The following ACVR2B variants were observed in gnomAD, a reference collection of about 807,000 sequenced individuals.
ACVR2B encodes activin A receptor type 2B.
In ACVR2B, 18 loss-of-function variants were observed where a neutral mutation model predicts 65.1. The observed-to-expected ratio is 0.28, with a 90% CI of 0.19 to 0.41. The LOEUF (loss-of-function observed/expected upper bound fraction) is 0.41, where lower values mean the gene tolerates loss of function less well. Among genes scored for constraint, ACVR2B ranks in the 10% least tolerant of loss-of-function variants. ACVR2B has a pLI of 1.00. For synonymous variants in ACVR2B, 298 were observed against 277.7 expected (o/e 1.07, Z -0.73); for missense variants, 482 against 682.7 (o/e 0.71, Z 3.28).
At chr3:38,472,053 G>T (rs1291746091) in intron 1 of ACVR2B, among the ~76,000 whole-genome samples, 1 of 152,120 alleles carries the variant, frequency 6.6e-6, no homozygotes, top group Non-Finnish European at 1.5e-5. Flanking sequence ...CTCCCCTATT[G>T]TACATGCCGC....
chr3:38,464,796 C>T (rs567724896), intron 1 of ACVR2B, among the ~76,000 whole-genome samples: 1 of 152,276 alleles, frequency 6.6e-6, no homozygotes, highest in African/African-American at 2.4e-5. Context: ...GTGGTGCACA[C>T]CTGTAATCCC....
At position 38,477,369 on chromosome 3, in the gene ACVR2B, C is replaced by T. The variant is rs750896020; in HGVS notation, c.135C>T (p.Gly45=). ...AGCTGGAGCGCACCAACCAGAGCGG[C>T]CTGGAGCGCTGCGAAGGCGAGCAGG... is the stretch of plus-strand genomic sequence containing the variant. The part of the protein sequence containing the change: ...NWELERTNQS[G]LERCEGEQDK... The change falls in exon 2 of 11, where the codon GGC becomes GGT. Residue 45 remains glycine, a synonymous_variant. Transcript: ENST00000352511. This position sits in a 1 kb window ranked among gnomAD's most constrained non-coding sequence, Gnocchi z 6.7. 2.3e-5 allele frequency: 37 copies of T among 1,614,044 alleles called. No homozygotes were observed. Among genetic ancestry groups the T allele is most frequent in the Non-Finnish European group, 4.2e-6 (5 of 1,180,020 alleles).
At position 38,485,307 on chromosome 3, in the gene ACVR2B, G is replaced by A. The variant is rs912390660; in HGVS notation, c.*1975G>A. ...ACCTGAATGGGGTGATTTTACTTGG[G>A]ATTTAACTTCTTCAGCAAATTAACA... On this transcript the variant is annotated 3_prime_UTR_variant, in exon 11 of 11. Transcript: ENST00000352511. 4 of 152,212 alleles carry A rather than the reference G, an allele frequency of 2.6e-5. No individual in the cohort carries two copies. Among genetic ancestry groups the A allele is most frequent in the African/African-American group, 7.2e-5 (3 of 41,436 alleles). 9.4% of individuals were successfully genotyped at this position (152,212 alleles called of 1,614,324 possible).
intron 1 of ACVR2B, among the ~76,000 whole-genome samples, chr3:38,458,472 G>C (rs1266767181): frequency 6.6e-6 from 1 of 152,200 alleles, no homozygotes; most frequent in Non-Finnish European, 1.5e-5. Flanking sequence ...CACTGTAGTA[G>C]TCTTAAGGGG....
chr3:38,466,928 C>T (rs761826419), intron 1 of ACVR2B, among the ~76,000 whole-genome samples: 4 of 152,148 alleles, frequency 2.6e-5, no homozygotes, highest in South Asian at 2.1e-4. Flanking sequence ...AATAAATATT[C>T]GGGCATTTAT....
At chr3:38,472,102 C>T (rs1018149904) in intron 1 of ACVR2B, among the ~76,000 whole-genome samples, 1 of 152,180 alleles carries the variant, frequency 6.6e-6, no homozygotes, top group Non-Finnish European at 1.5e-5. Context: ...GTGTCAGTGT[C>T]TTTATCTGTT....
In ACVR2B at chr3:38,477,537, G is replaced by A. The variant is rs369529831; in HGVS notation, c.260+43G>A. 9.3e-5 allele frequency: 148 copies of A among 1,593,442 alleles called. No individual in the cohort carries two copies. Among genetic ancestry groups the A allele is most frequent in the Non-Finnish European group, 1.2e-4 (143 of 1,168,920 alleles). ...CTCCTTTCCTCTTGGACCCACCTGC[G>A]CTTATACTGCCCACTGGGCCATTTG... On this transcript the variant is annotated intron_variant, in intron 2 of 10. Coordinates refer to ENST00000352511, the MANE Select transcript of ACVR2B (RefSeq NM_001106.4). This position sits in a 1 kb window ranked among gnomAD's most constrained non-coding sequence, Gnocchi z 6.7.
intron 1 of ACVR2B, chr3:38,454,760 TGCAGCAGCAGCA>T (rs145420050): frequency 5.7e-6 from 1 of 174,200 alleles, no homozygotes; most frequent in Admixed American, 6.3e-5. Context: ...GGATTGTAGG[TGCAGCAGCAGCA>T]GCAGCATGCG....
intron 1 of ACVR2B, chr3:38,476,944 A>T: frequency 2.5e-6 from 1 of 406,614 alleles, no homozygotes; most frequent in Non-Finnish European, 4.6e-6. Context: ...CAGGAGCCTC[A>T]GGTGTTGGTG....
intron 3 of ACVR2B, 32 bp from the exon 4 acceptor site, chr3:38,478,109 C>G (rs1709944497): frequency 6.2e-7 from 1 of 1,610,888 alleles, no homozygotes; most frequent in African/African-American, 1.3e-5. Context: ...GGTGGGCAGA[C>G]TGTTTGACAC....
At chr3:38,454,509 G>A in intron 1 of ACVR2B, 135 bp downstream of exon 1, 1 of 824,064 alleles carries the variant, frequency 1.2e-6, no homozygotes. Flanking sequence ...TCACCTCCGG[G>A]GGCGTGGGCT....
chr3:38,477,741 C>T lies in ACVR2B; in HGVS notation c.261-120C>T. 3.5e-6 allele frequency: 4 copies of T among 1,159,088 alleles called. No homozygotes were observed. The highest frequency in any genetic ancestry group is 5.2e-6 in the Non-Finnish European group (4 of 765,780). The allele number at this position is 1,159,088 out of a possible 1,614,324, so 71.8% of individuals were successfully genotyped here. On this transcript the variant is annotated intron_variant, in intron 2 of 10. Transcript: ENST00000352511. The surrounding 1 kb of genome is among the most constrained non-coding windows in gnomAD (Gnocchi z 6.7). ...GTCTCCTGTAGGGGAGGTGAGTTCA[C>T]ACCGTCCCCCTGGTGTTGCCCATGA... is the stretch of plus-strand genomic sequence containing the variant.
At position 38,487,089 on chromosome 3, in the gene ACVR2B, CATT is replaced by C. The variant is rs1575592465; in HGVS notation, c.*3762_*3764del. 1 of 152,474 alleles carries C rather than the reference CATT, an allele frequency of 6.6e-6. No individual in the cohort carries two copies. Among genetic ancestry groups the C allele is most frequent in the South Asian group, 2.1e-4 (1 of 4,828 alleles). 9.4% of individuals were successfully genotyped at this position (152,474 alleles called of 1,614,324 possible). A position where few individuals can be genotyped will look rare whatever the true frequency, so the allele number is the denominator to read the frequency against. On this transcript the variant is annotated 3_prime_UTR_variant, in exon 11 of 11. Transcript: ENST00000352511. ...CCTGGCAGTGAGGGAAGATGGTGAG[CATT>C]ATTAGCCTTTGTTGTCCAGCATGGC...
chr3:38,478,584 T>C (rs1709957428), intron 5 of ACVR2B, 66 bp downstream of exon 5: 1 of 1,609,044 alleles, frequency 6.2e-7, no homozygotes, highest in Non-Finnish European at 8.5e-7. Flanking sequence ...GAGGCTCTCC[T>C]GACCTGGGGC....
intron 1 of ACVR2B, among the ~76,000 whole-genome samples, chr3:38,468,581 A>C (rs1709770342): frequency 1.3e-5 from 2 of 152,138 alleles, no homozygotes; most frequent in Non-Finnish European, 2.9e-5. Context: ...ATCTGACTGT[A>C]CCTTACTAAC....
chr3:38,454,331 GC>G lies in ACVR2B; in HGVS notation c.12del (p.Trp5GlyfsTer69). The G allele has an allele frequency of 1.5e-6, 2 of 1,298,524 alleles. No individual in the cohort carries two copies. The highest frequency in any genetic ancestry group is 2.4e-5 in the South Asian group (1 of 40,836). 80.4% of individuals were successfully genotyped at this position (1,298,524 alleles called of 1,614,324 possible). A position where few individuals can be genotyped will look rare whatever the true frequency, so the allele number is the denominator to read the frequency against. On this transcript the variant is annotated frameshift_variant, in exon 1 of 11. Coordinates refer to ENST00000352511, the MANE Select transcript of ACVR2B (RefSeq NM_001106.4). LOFTEE classifies it high-confidence loss of function. MTA[P>X]WVALALLWGS... Reference sequence around the variant, plus strand: ...GGGCGGCGCCGCGGAACATGACGGCGCCCTGGGTGGCCCTCGCCCTCCTCTG... The same window carrying G: ...GGGCGGCGCCGCGGAACATGACGGCGCCTGGGTGGCCCTCGCCCTCCTCTG...
Position 38,492,581 on chromosome 3 carries a change from T to C in ACVR2B, c.*9249T>C, listed in dbSNP as rs541683055. On this transcript the variant is annotated 3_prime_UTR_variant, in exon 11 of 11. Transcript: ENST00000352511. The stretch of plus-strand genomic sequence containing the variant: ...CCCTTGTAGCTATAAAATAAAAATT[T>C]TGTAGAACAGAAATAGCTTGTACTA... 13 of 152,168 alleles carry C rather than the reference T, an allele frequency of 8.5e-5. No homozygotes were observed. In the East Asian group the frequency reaches 2.5e-3, roughly 29 times the overall value. 9.4% of individuals were successfully genotyped at this position (152,168 alleles called of 1,614,324 possible).
rs1391996818 is a variant in ACVR2B, at chr3:38,488,115, T to G, written c.*4783T>G. 2.0e-5 allele frequency: 3 copies of G among 152,356 alleles called. No individual in the cohort carries two copies. The highest frequency in any genetic ancestry group is 3.9e-4 in the East Asian group (2 of 5,186). 9.4% of individuals were successfully genotyped at this position (152,356 alleles called of 1,614,324 possible). A position where few individuals can be genotyped will look rare whatever the true frequency, so the allele number is the denominator to read the frequency against. ...TGAATTCTTTTAGTTAATGGCTGTT[T>G]GCAAATTCTAAACTAATGAAATACT... On this transcript the variant is annotated 3_prime_UTR_variant, in exon 11 of 11. Coordinates refer to ENST00000352511, the MANE Select transcript of ACVR2B (RefSeq NM_001106.4).
intron 1 of ACVR2B, among the ~76,000 whole-genome samples, chr3:38,462,651 A>G (rs1170095355): frequency 2.6e-5 from 4 of 152,234 alleles, no homozygotes; most frequent in Non-Finnish European, 5.9e-5. Flanking sequence ...TTTCTGATAC[A>G]TATGGATCTA....
Sources: gnomAD v4.1 joint callset for allele counts (sites outside exome capture counted in the v4.1 genomes callset) on GRCh38, gnomAD v4.1.1 for gene constraint, Gnocchi (gnomAD v3.1) non-coding constraint, MANE v1.5 for transcripts, NCBI Gene and HGNC (gene_info 2026-07-23, HGNC 2026-07-21) for gene names.